The following MAP4K5 variants were observed in gnomAD, a reference collection of about 807,000 sequenced individuals.
MAP4K5 encodes the protein mitogen-activated protein kinase kinase kinase kinase 5, also known as MAPK/ERK kinase kinase kinase 5.
A neutral mutation model predicts 135.6 loss-of-function variants in MAP4K5; 82 were observed. That is an observed-to-expected ratio of 0.60 (90% CI 0.51 to 0.73). MAP4K5 has a LOEUF of 0.73. MAP4K5 is among the 30% of genes least tolerant of loss of function. The pLI, the probability that MAP4K5 is intolerant of heterozygous loss-of-function variation, is 0.00. For missense variants in MAP4K5, 907 were observed against 1,010.9 expected (o/e 0.90, Z 1.39); for synonymous variants, 347 against 335.0 (o/e 1.04, Z -0.39).
chr14:50,530,079 C>G (rs2038353696), intron 2 of MAP4K5, among the ~76,000 whole-genome samples: 1 of 152,106 alleles, frequency 6.6e-6, no homozygotes, highest in Non-Finnish European at 1.5e-5. Flanking sequence ...AGAGGCTGGC[C>G]TAGTGTGCAA....
At position 50,471,318 on chromosome 14, in the gene MAP4K5, T is replaced by C. The variant is rs551932858; in HGVS notation, c.543-2536A>G. 1.6e-3 allele frequency among the ~76,000 whole-genome samples: 243 copies of C among 152,290 alleles called. 1 individual carries two copies. Among genetic ancestry groups the C allele is most frequent in the Non-Finnish European group, 2.6e-3 (176 of 68,010 alleles). ...AGGGACACATTATTCAGAATATATA[T>C]ATTTTTTAGGTTAGTCAAGTGAAGC... On this transcript the variant is annotated intron_variant, in intron 9 of 32. Transcript: ENST00000682126.
intron 2 of MAP4K5, among the ~76,000 whole-genome samples, chr14:50,511,422 G>A (rs2037927367): frequency 6.6e-6 from 1 of 152,014 alleles, no homozygotes; most frequent in Non-Finnish European, 1.5e-5. Flanking sequence ...GGGGAAGGGA[G>A]GAATAGGGAG....
chr14:50,436,008 T>G (rs1025511415), intron 26 of MAP4K5, among the ~76,000 whole-genome samples: 2 of 152,204 alleles, frequency 1.3e-5, no homozygotes, highest in African/African-American at 4.8e-5. Flanking sequence ...AAAAATAATA[T>G]TTATAGCACA....
intron 10 of MAP4K5, 116 bp downstream of exon 10, chr14:50,468,535 T>C (rs2036883546): frequency 3.7e-6 from 4 of 1,078,848 alleles, no homozygotes; most frequent in Non-Finnish European, 5.3e-6. Flanking sequence ...CCTAAATCCC[T>C]TACAATACCT....
rs551823778 is a variant in MAP4K5, at chr14:50,559,218, T to C, written c.-180+1822A>G. ...GAGGAATTAGCAGAGATCATGGATC[T>C]GGTAATTAAGAGGCTGGCAGTGATC... On this transcript the variant is annotated intron_variant, in intron 1 of 8. Coordinates refer to the MAP4K5 transcript ENST00000555216. 7.9e-5 allele frequency: 12 copies of C among 152,322 alleles called. 1 individual carries two copies. Among genetic ancestry groups the C allele is most frequent in the African/African-American group, 2.9e-4 (12 of 41,574 alleles). 9.4% of individuals were successfully genotyped at this position (152,322 alleles called of 1,614,324 possible). A position where few individuals can be genotyped will look rare whatever the true frequency, so the allele number is the denominator to read the frequency against.
intron 2 of MAP4K5, among the ~76,000 whole-genome samples, chr14:50,539,453 C>T (rs1287682363): frequency 1.3e-5 from 2 of 152,166 alleles, no homozygotes; most frequent in Non-Finnish European, 2.9e-5. Context: ...CATTATCTCT[C>T]ATAGCTAAGG....
At chr14:50,555,323 C>A (rs1030252977) in intron 1 of MAP4K5, among the ~76,000 whole-genome samples, 28 of 152,278 alleles carry the variant, frequency 1.8e-4, no homozygotes, top group Non-Finnish European at 3.8e-4. Flanking sequence ...GCTCTGTCAC[C>A]CAGGCTGGAG....
chr14:50,553,600 G>A (rs1330598490), intron 1 of MAP4K5, among the ~76,000 whole-genome samples: 1 of 152,076 alleles, frequency 6.6e-6, no homozygotes, highest in Non-Finnish European at 1.5e-5. Context: ...CCCACTACTG[G>A]GTGTTTACCC....
chr14:50,540,220 A>G (rs185925696), intron 2 of MAP4K5, among the ~76,000 whole-genome samples: 3 of 152,350 alleles, frequency 2.0e-5, no homozygotes, highest in African/African-American at 4.8e-5. Context: ...TTTGATTGCA[A>G]GGATAGGTGG....
intron 2 of MAP4K5, among the ~76,000 whole-genome samples, chr14:50,520,708 C>T (rs1056650665): frequency 2.6e-5 from 4 of 151,902 alleles, no homozygotes; most frequent in Non-Finnish European, 5.9e-5. Context: ...TATAAAGTTC[C>T]AACAAAATGA....
intron 10 of MAP4K5, 136 bp downstream of exon 10, chr14:50,468,515 T>G: frequency 7.9e-5 from 66 of 833,028 alleles, no homozygotes; most frequent in Non-Finnish European, 9.6e-5. Context: ...AGGTTTTGGA[T>G]GAGATTACTC....
intron 2 of MAP4K5, among the ~76,000 whole-genome samples, chr14:50,507,797 T>G (rs1426884564): frequency 6.6e-6 from 1 of 152,168 alleles, no homozygotes; most frequent in African/African-American, 2.4e-5. Flanking sequence ...ATAAGTGCGA[T>G]GTGGTGCTCA....
chr14:50,461,392 A>G (rs113421155), intron 13 of MAP4K5, among the ~76,000 whole-genome samples: 1 of 152,136 alleles, frequency 6.6e-6, no homozygotes, highest in African/African-American at 2.4e-5. Flanking sequence ...AATTCCCTTT[A>G]GTGAAGGTAG....
At chr14:50,443,547 C>G (rs981246788) in intron 20 of MAP4K5, among the ~76,000 whole-genome samples, 182 bp downstream of exon 20, 6 of 152,186 alleles carry the variant, frequency 3.9e-5, no homozygotes, top group Non-Finnish European at 7.4e-5. Flanking sequence ...AAAAGTGAAA[C>G]ACTGTCAATT....
chr14:50,440,057 C>T lies in MAP4K5; in HGVS notation c.1661G>A (p.Cys554Tyr). ...ATTATTGATAACATACAGCCAAGTACACTTCCGTGGAAATAACTAAGAAAA... is the reference window on the plus strand; with the variant it reads ...ATTATTGATAACATACAGCCAAGTATACTTCCGTGGAAATAACTAAGAAAA... The part of the protein sequence containing the change: ...ATMEQLFPRK[C>Y]TWLYVINNTL... The change falls in exon 23 of 33, where the codon TGT becomes TAT. Residue 554 changes from cysteine to tyrosine, a missense_variant. Around this residue, in one of 3 missense-constraint regions of MAP4K5, gnomAD observed 690 missense variants for 777.4 expected, o/e 0.89. Coordinates refer to ENST00000682126, the MANE Select transcript of MAP4K5 (RefSeq NM_006575.6). The T allele has an allele frequency of 1.3e-6, 2 of 1,530,660 alleles. No homozygotes were observed. Among genetic ancestry groups the T allele is most frequent in the Non-Finnish European group, 1.8e-6 (2 of 1,120,610 alleles). The allele number at this position is 1,530,660 out of a possible 1,614,324, so 94.8% of individuals were successfully genotyped here.
intron 2 of MAP4K5, among the ~76,000 whole-genome samples, chr14:50,510,761 T>A (rs1050553513): frequency 2.0e-5 from 3 of 152,182 alleles, no homozygotes; most frequent in Admixed American, 1.3e-4. Context: ...AAGATGACAG[T>A]CCCTCTCCAT....
intron 22 of MAP4K5, 142 bp from the exon 23 acceptor site, chr14:50,440,215 A>G: frequency 2.6e-6 from 2 of 783,242 alleles, no homozygotes; most frequent in Non-Finnish European, 4.0e-6. Context: ...ATCTTTCAAC[A>G]TGAACATGCA....
chr14:50,557,622 A>G (rs1418447776), intron 1 of MAP4K5, among the ~76,000 whole-genome samples: 2 of 152,252 alleles, frequency 1.3e-5, no homozygotes, highest in Non-Finnish European at 2.9e-5. Flanking sequence ...CCAGCATTTT[A>G]CAATAACAAA....
At chr14:50,512,891 T>C (rs1023164451) in intron 2 of MAP4K5, among the ~76,000 whole-genome samples, 7 of 152,174 alleles carry the variant, frequency 4.6e-5, no homozygotes, top group African/African-American at 1.7e-4. Context: ...TACACAAGAA[T>C]TGAAAGATCC....
Sources: allele counts gnomAD v4.1 joint callset (sites outside exome capture counted in the v4.1 genomes callset), GRCh38; gene constraint gnomAD v4.1.1; regional missense constraint gnomAD v4.1.1; transcripts MANE v1.5; gene names NCBI Gene and HGNC (gene_info 2026-07-23, HGNC 2026-07-21).